Variants in CPQ observed in about 807,000 individuals in gnomAD.
CPQ encodes the protein Ser-Met dipeptidase.
A neutral mutation model predicts 45.7 loss-of-function variants in CPQ; 37 were observed. The ratio of observed to expected loss-of-function variants is 0.81; its 90% CI spans 0.62 to 1.07. CPQ has a LOEUF of 1.07. CPQ is among the 50% of genes least tolerant of loss of function. CPQ has a pLI of 0.00. For synonymous variants in CPQ, 186 were observed against 205.8 expected (o/e 0.90, Z 0.82); for missense variants, 537 against 572.9 (o/e 0.94, Z 0.64).
chr8:97,118,531 T>C (rs931462783), intron 7 of CPQ, among the ~76,000 whole-genome samples: 4 of 152,210 alleles, frequency 2.6e-5, no homozygotes, highest in Non-Finnish European at 5.9e-5. Flanking sequence ...CCTGTTAGCT[T>C]CCTCTATATA....
At chr8:96,680,369 T>C (rs1334356042) in intron 1 of CPQ, 1 of 152,154 alleles carries the variant, frequency 6.6e-6, no homozygotes, top group Non-Finnish European at 1.5e-5. Context: ...AATTGAATCA[T>C]GGGGGCTTGT....
At chr8:97,128,354 T>C (rs774475371) in intron 7 of CPQ, among the ~76,000 whole-genome samples, 1 of 152,118 alleles carries the variant, frequency 6.6e-6, no homozygotes, top group Non-Finnish European at 1.5e-5. Context: ...TCCTTAAGGG[T>C]GGGTGCTTGG....
chr8:96,870,381 G>T (rs11989258), intron 3 of CPQ, among the ~76,000 whole-genome samples: 1 of 151,766 alleles, frequency 6.6e-6, no homozygotes, highest in Non-Finnish European at 1.5e-5. Context: ...GATTAAATAC[G>T]GTCATGGATG....
chr8:96,969,949 C>G (rs1465494413), intron 5 of CPQ, among the ~76,000 whole-genome samples: 1 of 152,152 alleles, frequency 6.6e-6, no homozygotes, highest in Non-Finnish European at 1.5e-5. Flanking sequence ...CAGGAGTCAC[C>G]AAGCCTCCCT....
chr8:97,048,632 G>T (rs1002252275), intron 6 of CPQ, among the ~76,000 whole-genome samples: 1 of 152,180 alleles, frequency 6.6e-6, no homozygotes, highest in South Asian at 2.1e-4. Flanking sequence ...AACTGCACCT[G>T]CCAGAATGGA....
chr8:96,857,919 G>C (rs571967512), intron 3 of CPQ, among the ~76,000 whole-genome samples: 185 of 152,322 alleles, frequency 1.2e-3, no homozygotes, highest in Non-Finnish European at 4.7e-4. Context: ...GTGTCGCAGT[G>C]AATGGGGCCC....
chr8:96,940,587 A>C (rs1039932524), intron 4 of CPQ, among the ~76,000 whole-genome samples: 3 of 152,232 alleles, frequency 2.0e-5, no homozygotes, highest in African/African-American at 7.2e-5. Flanking sequence ...TGAGGAATGG[A>C]CAGATGTCTT....
intron 1 of CPQ, among the ~76,000 whole-genome samples, chr8:96,730,403 G>A (rs1486577702): frequency 6.6e-6 from 1 of 152,118 alleles, no homozygotes; most frequent in Non-Finnish European, 1.5e-5. Flanking sequence ...TGGGAGTAGA[G>A]AGAACCCATA....
intron 7 of CPQ, among the ~76,000 whole-genome samples, chr8:97,122,005 A>G (rs1811711654): frequency 6.6e-6 from 1 of 152,170 alleles, no homozygotes; most frequent in Admixed American, 6.5e-5. Flanking sequence ...AAATAAGAAC[A>G]GAGTCTCATT....
intron 3 of CPQ, among the ~76,000 whole-genome samples, chr8:96,845,446 T>C (rs1212295149): frequency 2.0e-5 from 3 of 152,204 alleles, no homozygotes; most frequent in Non-Finnish European, 4.4e-5. Flanking sequence ...AGAGAACCAA[T>C]TAAACAGATA....
At chr8:96,754,999 C>T (rs1810312553) in intron 1 of CPQ, among the ~76,000 whole-genome samples, 1 of 151,934 alleles carries the variant, frequency 6.6e-6, no homozygotes, top group Non-Finnish European at 1.5e-5. Flanking sequence ...AAAAATTCAT[C>T]ACTGTTCACC....
intron 1 of CPQ, among the ~76,000 whole-genome samples, chr8:96,756,245 A>G (rs1483840423): frequency 6.6e-6 from 1 of 152,036 alleles, no homozygotes; most frequent in African/African-American, 2.4e-5. Context: ...TTAAGCTTCA[A>G]CTTCTTGATT....
intron 7 of CPQ, among the ~76,000 whole-genome samples, chr8:97,094,243 C>A (rs1427502909): frequency 1.3e-5 from 2 of 152,150 alleles, no homozygotes; most frequent in Admixed American, 1.3e-4. Context: ...GGCTCCAATT[C>A]CCTTGCAGGT....
At chr8:96,719,104 T>C (rs1309866846) in intron 1 of CPQ, among the ~76,000 whole-genome samples, 2 of 152,154 alleles carry the variant, frequency 1.3e-5, no homozygotes, top group Non-Finnish European at 2.9e-5. Context: ...AGCCCTTGGG[T>C]GGTCGATAGG....
chr8:96,763,600 AAT>A (rs201748829), intron 1 of CPQ, among the ~76,000 whole-genome samples: 1 of 151,690 alleles, frequency 6.6e-6, no homozygotes, highest in Non-Finnish European at 1.5e-5. Context: ...AGACAGGGAG[AAT>A]ATATATATAT....
chr8:96,711,312 A>G (rs1809605732), intron 1 of CPQ, among the ~76,000 whole-genome samples: 1 of 152,142 alleles, frequency 6.6e-6, no homozygotes, highest in Non-Finnish European at 1.5e-5. Flanking sequence ...TGGAGCGTTT[A>G]GACAATTTAC....
chr8:96,695,806 G>A (rs1809371082), intron 1 of CPQ, among the ~76,000 whole-genome samples: 1 of 151,002 alleles, frequency 6.6e-6, no homozygotes, highest in Non-Finnish European at 1.5e-5. Context: ...TGCTGGAGAG[G>A]ATGTGGAGAA....
At chr8:96,714,708 G>T (rs11781687) in intron 1 of CPQ, among the ~76,000 whole-genome samples, 40,815 of 151,902 alleles carry the variant, frequency 0.27, 5,891 homozygotes, top group East Asian at 0.6. Context: ...GGTTGTTATA[G>T]AACCCTGTTT....
chr8:96,927,222 G>A (rs1812904533), intron 4 of CPQ, among the ~76,000 whole-genome samples: 1 of 152,200 alleles, frequency 6.6e-6, no homozygotes, highest in South Asian at 2.1e-4. Flanking sequence ...CTCTAGATGA[G>A]GTAGCCCTGA....
Sources: allele counts gnomAD v4.1 joint callset (sites outside exome capture counted in the v4.1 genomes callset), GRCh38; gene constraint gnomAD v4.1.1; transcripts MANE v1.5; gene names NCBI Gene and HGNC (gene_info 2026-07-23, HGNC 2026-07-21).